ABLIM1: variants seen among roughly 807,000 people sequenced by gnomAD.
The protein encoded by ABLIM1 is actin-binding LIM protein 1.
A neutral mutation model predicts 107.0 loss-of-function variants in ABLIM1; 40 were observed. The ratio of observed to expected loss-of-function variants is 0.37; its 90% CI spans 0.29 to 0.49. The LOEUF is 0.49. ABLIM1 is among the 20% of genes least tolerant of loss of function. The pLI, the probability that ABLIM1 is intolerant of heterozygous loss-of-function variation, is 0.97. For synonymous variants in ABLIM1, 357 were observed against 357.3 expected, an observed-to-expected ratio of 1.00 and a Z score of 0.01; for missense variants, 857 against 1,008.5, an observed-to-expected ratio of 0.85 and a Z score of 2.04.
chr10:114,450,704 A>G (rs1589799397), intron 14 of ABLIM1, among the ~76,000 whole-genome samples: 1 of 151,984 alleles, frequency 6.6e-6, no homozygotes, highest in Non-Finnish European at 1.5e-5. Context: ...GGCCTCCCAC[A>G]GTGCTGGGAT....
intron 1 of ABLIM1, among the ~76,000 whole-genome samples, chr10:114,722,761 C>T (rs2081876682): frequency 6.6e-6 from 1 of 152,244 alleles, no homozygotes; most frequent in African/African-American, 2.4e-5. Flanking sequence ...AGATGCAGAG[C>T]CATGAGTGCT....
At chr10:114,622,698 T>G (rs1436913730) in intron 1 of ABLIM1, among the ~76,000 whole-genome samples, 1 of 152,152 alleles carries the variant, frequency 6.6e-6, no homozygotes. Context: ...CAGATCCCCT[T>G]GCACACAGAT....
chr10:114,599,625 A>C (rs2075789139), intron 2 of ABLIM1, among the ~76,000 whole-genome samples: 1 of 151,892 alleles, frequency 6.6e-6, no homozygotes, highest in African/African-American at 2.4e-5. Flanking sequence ...AAAACCACAC[A>C]CACACACAAA....
At chr10:114,639,818 T>C (rs1436134562) in intron 1 of ABLIM1, among the ~76,000 whole-genome samples, 4 of 152,182 alleles carry the variant, frequency 2.6e-5, no homozygotes, top group African/African-American at 9.7e-5. Flanking sequence ...ATGCGTGCAG[T>C]TTGTGTGTTT....
chr10:114,599,973 GA>G (rs1192331497), intron 2 of ABLIM1, among the ~76,000 whole-genome samples: 2 of 151,968 alleles, frequency 1.3e-5, no homozygotes, highest in African/African-American at 2.4e-5. Flanking sequence ...GATATAACTA[GA>G]AAACATTTTT....
At chr10:114,464,899 C>A (rs191021040) in intron 12 of ABLIM1, among the ~76,000 whole-genome samples, 1 of 152,308 alleles carries the variant, frequency 6.6e-6, no homozygotes, top group Non-Finnish European at 1.5e-5. Flanking sequence ...AGGCCAGAAT[C>A]TTCCTTGTGA....
chr10:114,445,535 T>C, intron 15 of ABLIM1, 132 bp from the exon 16 acceptor site: 3 of 748,664 alleles, frequency 4.0e-6, no homozygotes, highest in Non-Finnish European at 6.8e-6. Context: ...AAGTAAACAA[T>C]ACAAGAGAAA....
chr10:114,456,438 C>T (rs888583482), intron 12 of ABLIM1, among the ~76,000 whole-genome samples: 3 of 152,254 alleles, frequency 2.0e-5, no homozygotes, highest in South Asian at 2.1e-4. Context: ...ATCATTCTTA[C>T]GGTCTTTTCT....
At chr10:114,749,267 A>T (rs2082455770) in intron 1 of ABLIM1, among the ~76,000 whole-genome samples, 1 of 152,092 alleles carries the variant, frequency 6.6e-6, no homozygotes, top group Non-Finnish European at 1.5e-5. Flanking sequence ...GACTACATCA[A>T]GTACTCTAAG....
chr10:114,716,545 C>A (rs570566078), intron 1 of ABLIM1, among the ~76,000 whole-genome samples: 1 of 152,186 alleles, frequency 6.6e-6, no homozygotes, highest in African/African-American at 2.4e-5. Context: ...CCTGAACTTA[C>A]AACGGATGTT....
intron 1 of ABLIM1, among the ~76,000 whole-genome samples, chr10:114,665,934 A>G (rs887023623): frequency 2.0e-5 from 3 of 152,240 alleles, no homozygotes; most frequent in African/African-American, 7.2e-5. Context: ...GCCTTTGGCT[A>G]TTTTGGAGTT....
At chr10:114,728,000 CA>C (rs1232458387) in intron 1 of ABLIM1, among the ~76,000 whole-genome samples, 1 of 152,078 alleles carries the variant, frequency 6.6e-6, no homozygotes, top group Admixed American at 6.5e-5. Context: ...AAATATACAA[CA>C]AAGAATGAAC....
intron 14 of ABLIM1, among the ~76,000 whole-genome samples, chr10:114,448,341 A>G (rs2061355054): frequency 6.6e-6 from 1 of 152,198 alleles, no homozygotes; most frequent in Non-Finnish European, 1.5e-5. Flanking sequence ...TCTGCTCCTC[A>G]GTTTCACTAG....
intron 4 of ABLIM1, among the ~76,000 whole-genome samples, chr10:114,561,104 C>G (rs1182037069): frequency 6.6e-6 from 1 of 152,172 alleles, no homozygotes; most frequent in Non-Finnish European, 1.5e-5. Flanking sequence ...AGCTGATTTC[C>G]CTAATGTAGG....
chr10:114,782,191 A>C, the ABLIM1 span, among the ~76,000 whole-genome samples: 1 of 152,132 alleles, frequency 6.6e-6, no homozygotes, highest in Non-Finnish European at 1.5e-5. Context: ...TAGCAAAAAA[A>C]ATTCTGATTT....
Position 114,445,422 on chromosome 10 carries a change from C to G in ABLIM1, c.1736-19G>C. On this transcript the variant is annotated intron_variant, in intron 15 of 22. Transcript: ENST00000533213. ...TCAGGTCCTAATTCCACAGCAAAGA[C>G]AACTTCTCACATCAGCCCCAAGACA... The G allele has an allele frequency of 6.3e-7, 1 of 1,597,174 alleles. No homozygotes were observed. Among genetic ancestry groups the G allele is most frequent in the Non-Finnish European group, 8.6e-7 (1 of 1,164,538 alleles).
chr10:114,597,995 G>A (rs980054131), intron 2 of ABLIM1, among the ~76,000 whole-genome samples: 1 of 152,172 alleles, frequency 6.6e-6, no homozygotes, highest in Non-Finnish European at 1.5e-5. Context: ...GTCCAGGCCA[G>A]GCACAGTGGC....
In ABLIM1 at chr10:114,435,133, A is replaced by T. The variant is rs188787972; in HGVS notation, c.*1127T>A. On this transcript the variant is annotated 3_prime_UTR_variant, in exon 23 of 23. Coordinates refer to ENST00000533213, the MANE Select transcript of ABLIM1 (RefSeq NM_002313.7). The stretch of plus-strand genomic sequence containing the variant: ...GAATTCGACAGAGCTGGGCAAGAAG[A>T]AAGCTGAAAAGGCCAAATTAAATAC... The T allele has an allele frequency of 6.6e-6, 1 of 152,346 alleles. No homozygotes were observed. The highest frequency in any genetic ancestry group is 1.5e-5 in the Non-Finnish European group (1 of 68,038). The allele number at this position is 152,346 out of a possible 1,614,324, so 9.4% of individuals were successfully genotyped here.
intron 1 of ABLIM1, among the ~76,000 whole-genome samples, chr10:114,699,655 T>C (rs1365490933): frequency 6.6e-6 from 1 of 152,178 alleles, no homozygotes; most frequent in African/African-American, 2.4e-5. Context: ...TCTATATCAA[T>C]GGTAGATTTA....
Sources: gnomAD v4.1 joint callset for allele counts (sites outside exome capture counted in the v4.1 genomes callset) on GRCh38, gnomAD v4.1.1 for gene constraint, MANE v1.5 for transcripts, NCBI Gene and HGNC (gene_info 2026-07-23, HGNC 2026-07-21) for gene names.